The following CTNNA3 variants were observed in gnomAD, a reference collection of about 807,000 sequenced individuals.
The protein encoded by CTNNA3 is catenin alpha-3.
In CTNNA3, 76 loss-of-function variants were observed where a neutral mutation model predicts 95.7. The ratio of observed to expected loss-of-function variants is 0.79; its 90% CI spans 0.66 to 0.96. The LOEUF is 0.96. Ranked by LOEUF, CTNNA3 falls within the 40% of genes least tolerant of loss-of-function variation. The pLI, the probability that CTNNA3 is intolerant of heterozygous loss-of-function variation, is 0.00. For synonymous variants in CTNNA3, 431 were observed against 374.4 expected (o/e 1.15, Z -1.74); for missense variants, 1,191 against 1,089.8 (o/e 1.09, Z -1.31).
intron 13 of CTNNA3, among the ~76,000 whole-genome samples, chr10:66,157,836 T>C (rs1448683664): frequency 2.6e-5 from 4 of 151,754 alleles, no homozygotes; most frequent in Non-Finnish European, 1.5e-5. Context: ...CATCTACTGT[T>C]TTTTTTATTA....
chr10:67,244,517 G>T (rs751008358), intron 5 of CTNNA3, among the ~76,000 whole-genome samples: 3 of 152,186 alleles, frequency 2.0e-5, no homozygotes, highest in Non-Finnish European at 2.9e-5. Context: ...ATTTCAACAA[G>T]TATTTATATA....
At chr10:65,930,220 A>G (rs1047089590) in intron 17 of CTNNA3, among the ~76,000 whole-genome samples, 1 of 149,194 alleles carries the variant, frequency 6.7e-6, no homozygotes, top group Non-Finnish European at 1.5e-5. Context: ...AAAAAAAAAA[A>G]AAAAAACAGA....
intron 7 of CTNNA3, among the ~76,000 whole-genome samples, chr10:67,092,399 G>A (rs1158022076): frequency 2.6e-5 from 4 of 151,882 alleles, no homozygotes; most frequent in African/African-American, 9.7e-5. Flanking sequence ...TGGCCTTTTT[G>A]TTATTCCTTC....
intron 9 of CTNNA3, among the ~76,000 whole-genome samples, chr10:66,645,866 G>C (rs969081276): frequency 3.9e-5 from 6 of 152,120 alleles, no homozygotes; most frequent in African/African-American, 1.4e-4. Context: ...ACTGGTCCCT[G>C]GTCCCAAAAA....
chr10:66,689,524 A>G (rs1332686984), intron 9 of CTNNA3, among the ~76,000 whole-genome samples: 1 of 152,212 alleles, frequency 6.6e-6, no homozygotes, highest in East Asian at 1.9e-4. Flanking sequence ...TGCTATTAAC[A>G]TGAACAAAAG....
intron 9 of CTNNA3, among the ~76,000 whole-genome samples, chr10:66,680,219 A>C (rs975607445): frequency 6.6e-6 from 1 of 151,090 alleles, no homozygotes; most frequent in Non-Finnish European, 1.5e-5. Context: ...TTTACTAGAG[A>C]TGGGGTTTCA....
intron 9 of CTNNA3, among the ~76,000 whole-genome samples, chr10:66,730,029 C>T (rs1398205191): frequency 6.6e-6 from 1 of 151,448 alleles, no homozygotes; most frequent in East Asian, 2.0e-4. Flanking sequence ...TGGCGTGAAC[C>T]CAGGAGGCAG....
At chr10:67,057,267 C>T (rs1855494744) in intron 7 of CTNNA3, among the ~76,000 whole-genome samples, 1 of 151,958 alleles carries the variant, frequency 6.6e-6, no homozygotes, top group Admixed American at 6.6e-5. Context: ...ATGTCACATA[C>T]TGTGTGTGTG....
chr10:67,540,266 G>T (rs1194279424), intron 3 of CTNNA3, among the ~76,000 whole-genome samples: 1 of 151,512 alleles, frequency 6.6e-6, no homozygotes, highest in Admixed American at 6.6e-5. Context: ...TTCTTTCATT[G>T]TTTTAAGTTC....
At chr10:66,191,891 C>T (rs142339206) in intron 13 of CTNNA3, among the ~76,000 whole-genome samples, 229 of 152,202 alleles carry the variant, frequency 1.5e-3, no homozygotes, top group African/African-American at 5.3e-3. Flanking sequence ...GAGGGCTCTG[C>T]CCTCATGAAT....
At chr10:66,768,447 T>C (rs1839952906) in intron 8 of CTNNA3, among the ~76,000 whole-genome samples, 1 of 152,132 alleles carries the variant, frequency 6.6e-6, no homozygotes, top group Non-Finnish European at 1.5e-5. Context: ...AAAAAGAGAC[T>C]GAGATAATAG....
intron 5 of CTNNA3, among the ~76,000 whole-genome samples, chr10:67,471,761 T>G (rs1847838943): frequency 6.6e-6 from 1 of 152,206 alleles, no homozygotes; most frequent in Non-Finnish European, 1.5e-5. Flanking sequence ...GCCTTAATTA[T>G]GTATGCTTTT....
At chr10:67,325,515 T>C (rs1043504872) in intron 5 of CTNNA3, among the ~76,000 whole-genome samples, 1 of 152,210 alleles carries the variant, frequency 6.6e-6, no homozygotes, top group South Asian at 2.1e-4. Flanking sequence ...AGGAGGTTAT[T>C]CAATTCCCAT....
chr10:66,177,819 T>C (rs1463952870), intron 13 of CTNNA3, among the ~76,000 whole-genome samples: 1 of 151,986 alleles, frequency 6.6e-6, no homozygotes, highest in Non-Finnish European at 1.5e-5. Context: ...AAAAAATCTA[T>C]GCATAATGTA....
chr10:67,746,929 T>C (rs778397121), intron 1 of CTNNA3, among the ~76,000 whole-genome samples: 36 of 152,228 alleles, frequency 2.4e-4, no homozygotes, highest in Middle Eastern at 3.4e-3. Context: ...CAGAGCACCA[T>C]TTTTCCCCTG....
chr10:67,455,340 T>C (rs1204031390), intron 5 of CTNNA3, among the ~76,000 whole-genome samples: 1 of 151,968 alleles, frequency 6.6e-6, no homozygotes, highest in African/African-American at 2.4e-5. Context: ...AATAAACAAA[T>C]AAAAGAAAAA....
chr10:66,557,237 T>C (rs1842419896), intron 10 of CTNNA3, among the ~76,000 whole-genome samples: 1 of 152,076 alleles, frequency 6.6e-6, no homozygotes, highest in African/African-American at 2.4e-5. Flanking sequence ...AAAAACAATA[T>C]CCATCATTAT....
chr10:67,387,286 A>G (rs1010681094), intron 5 of CTNNA3, among the ~76,000 whole-genome samples: 1 of 152,106 alleles, frequency 6.6e-6, no homozygotes, highest in East Asian at 1.9e-4. Context: ...CGAGTCAAAG[A>G]AAGGGGTGAC....
intron 13 of CTNNA3, among the ~76,000 whole-genome samples, chr10:66,230,527 G>A (rs780448742): frequency 1.2e-4 from 19 of 152,154 alleles, no homozygotes; most frequent in Non-Finnish European, 2.4e-4. Context: ...ATCTGTGGCA[G>A]AGCTTTACTG....
Sources: gnomAD v4.1 joint callset for allele counts (sites outside exome capture counted in the v4.1 genomes callset) on GRCh38, gnomAD v4.1.1 for gene constraint, MANE v1.5 for transcripts, NCBI Gene and HGNC (gene_info 2026-07-23, HGNC 2026-07-21) for gene names.